ZNF704: variants seen among roughly 807,000 people sequenced by gnomAD.
The protein encoded by ZNF704 is zinc finger protein 704.
In ZNF704, 10 loss-of-function variants were observed where a neutral mutation model predicts 44.7. That is an observed-to-expected ratio of 0.22 (90% CI 0.14 to 0.38). ZNF704 has a LOEUF of 0.38. Among genes scored for constraint, ZNF704 ranks in the 10% least tolerant of loss-of-function variants. The probability of loss-of-function intolerance (pLI) is 1.00; values close to 1 mark genes in which losing one functional copy is unlikely to be tolerated. For synonymous variants in ZNF704, 211 were observed against 207.6 expected, an observed-to-expected ratio of 1.02 and a Z score of -0.14; for missense variants, 390 against 545.5, an observed-to-expected ratio of 0.71 and a Z score of 2.84.
chr8:80,746,301 G>C (rs1202459217), intron 2 of ZNF704, among the ~76,000 whole-genome samples: 1 of 152,170 alleles, frequency 6.6e-6, no homozygotes, highest in African/African-American at 2.4e-5. Flanking sequence ...CATCTGAAGA[G>C]AAAGCACAGT....
At chr8:80,680,189 T>G (rs1187408759) in intron 4 of ZNF704, among the ~76,000 whole-genome samples, 1 of 152,156 alleles carries the variant, frequency 6.6e-6, no homozygotes. Flanking sequence ...GAAACATGGC[T>G]GGAATTTGAA....
At chr8:80,650,918 A>C (rs966116325) in intron 7 of ZNF704, among the ~76,000 whole-genome samples, 1 of 152,210 alleles carries the variant, frequency 6.6e-6, no homozygotes, top group Non-Finnish European at 1.5e-5. Flanking sequence ...GCCAGAGAGA[A>C]AGGTTGGGTT....
chr8:80,861,137 A>T (rs1809054772), intron 1 of ZNF704, among the ~76,000 whole-genome samples: 1 of 152,226 alleles, frequency 6.6e-6, no homozygotes. Flanking sequence ...TCACTGCTAG[A>T]AACCAAAGCT....
At chr8:80,796,408 T>C (rs1274862449) in intron 2 of ZNF704, among the ~76,000 whole-genome samples, 1 of 152,230 alleles carries the variant, frequency 6.6e-6, no homozygotes, top group Non-Finnish European at 1.5e-5. Context: ...CTCATGACAC[T>C]ATCATCTCTT....
intron 2 of ZNF704, among the ~76,000 whole-genome samples, chr8:80,763,647 T>C (rs1189395024): frequency 6.6e-6 from 1 of 152,206 alleles, no homozygotes; most frequent in Non-Finnish European, 1.5e-5. Flanking sequence ...CCTGGAGACA[T>C]TTCCCCCATT....
chr8:80,726,261 C>T (rs1806478821), intron 2 of ZNF704, among the ~76,000 whole-genome samples: 1 of 151,894 alleles, frequency 6.6e-6, no homozygotes, highest in African/African-American at 2.4e-5. Flanking sequence ...TAAATATCAA[C>T]ACATGTGTTT....
At position 80,639,596 on chromosome 8, in the gene ZNF704, T is replaced by TC. The variant is rs980468449; in HGVS notation, c.*1769dup. ...AATGAAGAAAAAAACCAGGATCTCT[T>TC]CCAAGGAGTAATTTTAAAAAATTTA... On this transcript the variant is annotated 3_prime_UTR_variant, in exon 9 of 9. Coordinates refer to ENST00000327835, the MANE Select transcript of ZNF704 (RefSeq NM_001033723.3). The TC allele has an allele frequency of 6.6e-6, 1 of 152,182 alleles. No individual in the cohort carries two copies. The highest frequency in any genetic ancestry group is 2.4e-5 in the African/African-American group (1 of 41,444). The allele number at this position is 152,182 out of a possible 1,614,324, so 9.4% of individuals were successfully genotyped here.
At chr8:80,732,361 G>C (rs1216523691) in intron 2 of ZNF704, among the ~76,000 whole-genome samples, 1 of 152,186 alleles carries the variant, frequency 6.6e-6, no homozygotes, top group African/African-American at 2.4e-5. Context: ...TGTCATAGTA[G>C]CTGAGGGATT....
intron 4 of ZNF704, among the ~76,000 whole-genome samples, chr8:80,685,796 G>A (rs953793392): frequency 2.0e-5 from 3 of 152,194 alleles, no homozygotes; most frequent in African/African-American, 7.2e-5. Context: ...TTACACATGT[G>A]GAATGATGCT....
Position 80,821,492 on chromosome 8 carries a change from C to A in ZNF704, c.103G>T (p.Ala35Ser), listed in dbSNP as rs3907424. ...ATCCGGCTGGCTTTTTTGGTGTCTG[C>A]TGTTTTCACATCTTCCTCCATGGCC... ...SLAMEEDVKT[A>S]DTKKASRILD... The change falls in exon 2 of 9, where the codon GCA (alanine) becomes TCA (serine). Residue 35 changes from alanine to serine, a missense_variant. Transcript: ENST00000327835. 234,923 of 1,613,872 alleles carry A rather than the reference C, an allele frequency of 0.15. 21,288 individuals are homozygous for A. Among genetic ancestry groups the A allele is most frequent in the African/African-American group, 0.42 (31,596 of 74,904 alleles).
chr8:80,780,381 A>C (rs111257977), intron 2 of ZNF704, among the ~76,000 whole-genome samples: 1 of 152,150 alleles, frequency 6.6e-6, no homozygotes, highest in African/African-American at 2.4e-5. Context: ...AAGCGGATGG[A>C]ATCTTCAAGA....
intron 2 of ZNF704, among the ~76,000 whole-genome samples, chr8:80,797,435 A>C (rs913551310): frequency 2.6e-5 from 4 of 152,154 alleles, no homozygotes; most frequent in African/African-American, 9.6e-5. Context: ...TTTGAAATCT[A>C]GGTGAAAGCT....
intron 7 of ZNF704, among the ~76,000 whole-genome samples, chr8:80,651,885 C>T (rs1330180907): frequency 6.6e-6 from 1 of 152,058 alleles, no homozygotes; most frequent in Admixed American, 6.5e-5. Context: ...CACCACACCA[C>T]ACCTATTCCA....
At chr8:80,675,582 C>A (rs979572216) in intron 4 of ZNF704, among the ~76,000 whole-genome samples, 1 of 151,762 alleles carries the variant, frequency 6.6e-6, no homozygotes, top group Admixed American at 6.6e-5. Flanking sequence ...GGCTTAGAGG[C>A]TTTGGGCAGA....
chr8:80,728,497 G>GA (rs1269887065), intron 2 of ZNF704, among the ~76,000 whole-genome samples: 2 of 152,200 alleles, frequency 1.3e-5, no homozygotes, highest in Non-Finnish European at 2.9e-5. Flanking sequence ...GGAGGTGGGG[G>GA]AGAGTAGTAT....
chr8:80,867,821 T>C (rs1012675397), intron 1 of ZNF704, among the ~76,000 whole-genome samples: 2 of 152,220 alleles, frequency 1.3e-5, no homozygotes, highest in South Asian at 4.1e-4. Context: ...GCAGATTCCA[T>C]TCAATTAATA....
At chr8:80,864,036 G>A in intron 1 of ZNF704, among the ~76,000 whole-genome samples, 1 of 152,080 alleles carries the variant, frequency 6.6e-6, no homozygotes, top group South Asian at 2.1e-4. Flanking sequence ...GAAAGGTAGT[G>A]TTCTCTACCA....
intron 2 of ZNF704, among the ~76,000 whole-genome samples, chr8:80,794,579 A>G (rs986193920): frequency 6.6e-6 from 1 of 152,226 alleles, no homozygotes; most frequent in Non-Finnish European, 1.5e-5. Context: ...TAATTTTCCA[A>G]TATGTCTAAC....
chr8:80,825,790 C>T (rs893181734), intron 1 of ZNF704, among the ~76,000 whole-genome samples: 1 of 152,198 alleles, frequency 6.6e-6, no homozygotes, highest in Non-Finnish European at 1.5e-5. Context: ...AACCACTCAA[C>T]TACATGGAAA....
Sources: allele counts gnomAD v4.1 joint callset (sites outside exome capture counted in the v4.1 genomes callset), GRCh38; gene constraint gnomAD v4.1.1; transcripts MANE v1.5; gene names NCBI Gene and HGNC (gene_info 2026-07-23, HGNC 2026-07-21).